STAG1: variants seen among roughly 807,000 people sequenced by gnomAD.
STAG1 encodes cohesin subunit SA-1.
A neutral mutation model predicts 170.9 loss-of-function variants in STAG1; 26 were observed. The ratio of observed to expected loss-of-function variants is 0.15; its 90% CI spans 0.11 to 0.21. STAG1 has a LOEUF of 0.21. Among genes scored for constraint, STAG1 ranks in the 10% least tolerant of loss-of-function variants. The pLI is 1.00. For synonymous variants in STAG1, 514 were observed against 497.7 expected (o/e 1.03, Z -0.44); for missense variants, 964 against 1,509.5 (o/e 0.64, Z 5.99).
At chr3:136,664,532 C>G (rs1449192889) in intron 1 of STAG1, among the ~76,000 whole-genome samples, 1 of 152,180 alleles carries the variant, frequency 6.6e-6, no homozygotes, top group Non-Finnish European at 1.5e-5. Flanking sequence ...TGTTTCTCAA[C>G]CTTTCTTCCT....
chr3:136,616,039 C>A (rs1000471494), intron 3 of STAG1, among the ~76,000 whole-genome samples: 1 of 151,868 alleles, frequency 6.6e-6, no homozygotes, highest in Non-Finnish European at 1.5e-5. Context: ...GAGGCCAAGG[C>A]GGGTGGATCA....
chr3:136,495,892 C>G (rs1401701892), intron 9 of STAG1, among the ~76,000 whole-genome samples: 1 of 150,782 alleles, frequency 6.6e-6, no homozygotes, highest in Admixed American at 6.6e-5. Flanking sequence ...TGGCGTGAAC[C>G]TGGGAGGCGG....
chr3:136,464,338 G>A (rs2089385369), intron 13 of STAG1, among the ~76,000 whole-genome samples: 3 of 151,858 alleles, frequency 2.0e-5, no homozygotes, highest in South Asian at 2.1e-4. Context: ...TAGGATAATC[G>A]CTTGAACCTG....
intron 13 of STAG1, among the ~76,000 whole-genome samples, chr3:136,457,853 T>C (rs1449693285): frequency 3.3e-5 from 5 of 152,078 alleles, no homozygotes. Flanking sequence ...CTCCAAACTT[T>C]GGGAGGCCGA....
intron 14 of STAG1, among the ~76,000 whole-genome samples, chr3:136,450,263 T>A (rs2088899311): frequency 6.6e-6 from 1 of 152,192 alleles, no homozygotes; most frequent in African/African-American, 2.4e-5. Context: ...ATGAGCACTA[T>A]CTTGGAGACT....
intron 9 of STAG1, among the ~76,000 whole-genome samples, chr3:136,498,354 C>A (rs1364328316): frequency 6.8e-6 from 1 of 147,112 alleles, no homozygotes; most frequent in Non-Finnish European, 1.5e-5. Context: ...ATAAAAAAAA[C>A]TCTGACTTTG....
At chr3:136,589,704 G>A (rs1463093631) in intron 4 of STAG1, among the ~76,000 whole-genome samples, 2 of 150,946 alleles carry the variant, frequency 1.3e-5, no homozygotes, top group East Asian at 3.9e-4. Flanking sequence ...GCCAAGGTGG[G>A]TCCATCACTT....
intron 1 of STAG1, among the ~76,000 whole-genome samples, chr3:136,714,946 TATATATA>T (rs1432401801): frequency 1.2e-4 from 9 of 74,944 alleles, no homozygotes. Context: ...TAAATATATA[TATATATA>T]TATATATATA....
intron 20 of STAG1, among the ~76,000 whole-genome samples, chr3:136,418,857 T>G (rs1252325008): frequency 6.6e-6 from 1 of 152,126 alleles, no homozygotes; most frequent in African/African-American, 2.4e-5. Context: ...GCCAGGCTGG[T>G]CTTGAACTCC....
chr3:136,533,269 G>A (rs546662345), intron 6 of STAG1, among the ~76,000 whole-genome samples: 9 of 152,004 alleles, frequency 5.9e-5, no homozygotes, highest in Non-Finnish European at 1.3e-4. Flanking sequence ...ACAAACGAAT[G>A]GAAAGACAAC....
intron 1 of STAG1, among the ~76,000 whole-genome samples, chr3:136,723,964 G>A (rs1220040458): frequency 2.7e-5 from 4 of 150,210 alleles, no homozygotes; most frequent in East Asian, 2.0e-4. Context: ...CAGCCGCCCC[G>A]ACCAGGAGGG....
intron 1 of STAG1, among the ~76,000 whole-genome samples, chr3:136,654,919 T>C (rs779822286): frequency 2.0e-5 from 3 of 152,182 alleles, no homozygotes; most frequent in Non-Finnish European, 4.4e-5. Flanking sequence ...TTTCAACACA[T>C]AGTAATGGAA....
chr3:136,489,805 G>A (rs2107842820), intron 9 of STAG1, among the ~76,000 whole-genome samples: 1 of 152,122 alleles, frequency 6.6e-6, no homozygotes, highest in East Asian at 1.9e-4. Flanking sequence ...CTTACAATAA[G>A]ATGATTAAAA....
At chr3:136,421,945 G>T (rs1267956546) in intron 19 of STAG1, among the ~76,000 whole-genome samples, 1 of 151,954 alleles carries the variant, frequency 6.6e-6, no homozygotes, top group South Asian at 2.1e-4. Context: ...GAGATCAGGA[G>T]TTCACCAGCC....
In STAG1 at chr3:136,629,983, G is replaced by A. The variant is rs1404353051; in HGVS notation, c.29+887C>T. 1.8e-4 allele frequency among the ~76,000 whole-genome samples: 28 copies of A among 152,022 alleles called. 1 individual carries two copies. The highest frequency in any genetic ancestry group is 1.8e-3 in the Admixed American group (28 of 15,258). Reference sequence around the variant, plus strand: ...GGCTGAGGTGGGCAGACCACCTGAGGTCAGGAGTTCGAGACCAGCCTGGCC... The same window carrying A: ...GGCTGAGGTGGGCAGACCACCTGAGATCAGGAGTTCGAGACCAGCCTGGCC... On this transcript the variant is annotated intron_variant, in intron 2 of 33. Coordinates refer to ENST00000383202, the MANE Select transcript of STAG1 (RefSeq NM_005862.3).
chr3:136,634,493 A>G (rs1298669239), intron 1 of STAG1, among the ~76,000 whole-genome samples: 3 of 152,090 alleles, frequency 2.0e-5, no homozygotes, highest in Non-Finnish European at 4.4e-5. Context: ...TTTTTTAAAA[A>G]CCAGAGAAAT....
intron 22 of STAG1, among the ~76,000 whole-genome samples, chr3:136,396,222 T>G (rs1261086883): frequency 6.9e-6 from 1 of 145,184 alleles, no homozygotes; most frequent in South Asian, 2.3e-4. Context: ...TTTTTTTTTT[T>G]TTTTTTTTTT....
chr3:136,383,284 A>G (rs1286986596), intron 22 of STAG1, among the ~76,000 whole-genome samples: 1 of 152,006 alleles, frequency 6.6e-6, no homozygotes. Context: ...ATTCAAGAGA[A>G]AAAGAAAAAG....
intron 3 of STAG1, among the ~76,000 whole-genome samples, chr3:136,612,397 A>G (rs1349415428): frequency 6.6e-6 from 1 of 152,096 alleles, no homozygotes; most frequent in Non-Finnish European, 1.5e-5. Flanking sequence ...GCTGAGGCCA[A>G]GAGTTCAAGA....
Sources: gnomAD v4.1 joint callset for allele counts (sites outside exome capture counted in the v4.1 genomes callset) on GRCh38, gnomAD v4.1.1 for gene constraint, MANE v1.5 for transcripts, NCBI Gene and HGNC (gene_info 2026-07-23, HGNC 2026-07-21) for gene names.